Variants in NDUFS4 observed in about 807,000 individuals in gnomAD.
NDUFS4 encodes NADH:ubiquinone oxidoreductase subunit S4.
NDUFS4 carries 28 observed loss-of-function variants against 24.3 expected under a neutral mutation model. The ratio of observed to expected loss-of-function variants is 1.15; its 90% CI spans 0.85 to 1.58. NDUFS4 has a LOEUF of 1.58. Ranked by LOEUF, NDUFS4 falls within the 40% of genes most tolerant of loss-of-function variation. NDUFS4 has a pLI of 0.00. For missense variants in NDUFS4, 223 were observed against 207.9 expected (o/e 1.07, Z -0.45); for synonymous variants, 93 against 69.7 (o/e 1.34, Z -1.67).
At chr5:53,646,486 C>CT in intron 3 of NDUFS4, 81 bp downstream of exon 3, 1 of 1,431,166 alleles carries the variant, frequency 7.0e-7, no homozygotes, top group South Asian at 1.2e-5. Context: ...TTTTCAAACT[C>CT]TTTTATGTAC....
At chr5:53,612,523 A>G (rs1750728526) in intron 2 of NDUFS4, among the ~76,000 whole-genome samples, 1 of 152,112 alleles carries the variant, frequency 6.6e-6, no homozygotes, top group South Asian at 2.1e-4. Context: ...AATAGTTTTG[A>G]CATTTTTAGC....
chr5:53,649,750 T>C (rs888561271), intron 3 of NDUFS4, among the ~76,000 whole-genome samples: 4 of 152,202 alleles, frequency 2.6e-5, no homozygotes, highest in African/African-American at 7.2e-5. Flanking sequence ...TTGAGAAATC[T>C]CCATACTGTA....
At chr5:53,621,778 T>C (rs1751044325) in intron 2 of NDUFS4, among the ~76,000 whole-genome samples, 1 of 139,154 alleles carries the variant, frequency 7.2e-6, no homozygotes, top group African/African-American at 2.7e-5. Context: ...CTCAACTCAC[T>C]GCAAGCTCCG....
At chr5:53,676,142 T>A (rs1419328067) in intron 4 of NDUFS4, among the ~76,000 whole-genome samples, 2 of 152,244 alleles carry the variant, frequency 1.3e-5, no homozygotes, top group South Asian at 2.1e-4. Context: ...CAGCACAGAT[T>A]TATGTAGGGT....
intron 1 of NDUFS4, among the ~76,000 whole-genome samples, chr5:53,601,572 A>G (rs1750327402): frequency 6.6e-6 from 1 of 152,208 alleles, no homozygotes; most frequent in Admixed American, 6.5e-5. Context: ...GTTTTCATCT[A>G]ACAGGTCTCT....
At chr5:53,668,388 A>T (rs1023914481) in intron 4 of NDUFS4, among the ~76,000 whole-genome samples, 4 of 152,106 alleles carry the variant, frequency 2.6e-5, no homozygotes, top group African/African-American at 9.7e-5. Flanking sequence ...GACACTAAAG[A>T]TTGTAGAAAA....
chr5:53,657,924 C>CAAAAAA (rs55653691), intron 3 of NDUFS4, among the ~76,000 whole-genome samples: 2 of 123,166 alleles, frequency 1.6e-5, no homozygotes, highest in Non-Finnish European at 1.7e-5. Flanking sequence ...GAGTCCATCT[C>CAAAAAA]AAAAAAAAAA....
intron 2 of NDUFS4, among the ~76,000 whole-genome samples, chr5:53,622,461 G>A (rs1471143649): frequency 6.6e-6 from 1 of 152,096 alleles, no homozygotes; most frequent in Non-Finnish European, 1.5e-5. Flanking sequence ...CAGAGAGAGA[G>A]AAAAAGCAGG....
intron 4 of NDUFS4, among the ~76,000 whole-genome samples, chr5:53,679,714 C>CTAGA (rs1223087947): frequency 5.9e-5 from 9 of 152,160 alleles, no homozygotes; most frequent in African/African-American, 2.2e-4. Context: ...TTACTATTTC[C>CTAGA]TAGATATTTG....
At chr5:53,619,479 T>G (rs1300722671) in intron 2 of NDUFS4, among the ~76,000 whole-genome samples, 2 of 107,862 alleles carry the variant, frequency 1.9e-5, no homozygotes, top group African/African-American at 8.5e-5. Flanking sequence ...ACAGCAAGAC[T>G]CTGTCTCAAA....
intron 1 of NDUFS4, among the ~76,000 whole-genome samples, chr5:53,572,063 G>A (rs759491635): frequency 9.2e-5 from 14 of 152,260 alleles, no homozygotes; most frequent in African/African-American, 2.4e-4. Flanking sequence ...CTTTCATAAG[G>A]AGATAAATAT....
intron 4 of NDUFS4, among the ~76,000 whole-genome samples, chr5:53,664,357 C>A (rs1752444248): frequency 1.3e-5 from 2 of 152,052 alleles, no homozygotes; most frequent in African/African-American, 4.8e-5. Flanking sequence ...CTCTGTATTT[C>A]CTGCATTTGA....
At chr5:53,614,983 A>G (rs1440466604) in intron 2 of NDUFS4, among the ~76,000 whole-genome samples, 1 of 151,636 alleles carries the variant, frequency 6.6e-6, no homozygotes, top group Non-Finnish European at 1.5e-5. Flanking sequence ...CATAAACTGT[A>G]TGTTATCTCC....
At chr5:53,675,948 T>C (rs1740453872) in intron 4 of NDUFS4, among the ~76,000 whole-genome samples, 1 of 152,196 alleles carries the variant, frequency 6.6e-6, no homozygotes, top group African/African-American at 2.4e-5. Flanking sequence ...GAAGTTTGCC[T>C]GCCTTTGGTT....
intron 1 of NDUFS4, among the ~76,000 whole-genome samples, chr5:53,601,334 T>C (rs1228251113): frequency 6.6e-6 from 1 of 152,178 alleles, no homozygotes; most frequent in Non-Finnish European, 1.5e-5. Context: ...TATATAACTT[T>C]ATTATTACAA....
At chr5:53,619,359 G>A (rs1218324411) in intron 2 of NDUFS4, among the ~76,000 whole-genome samples, 28 of 146,498 alleles carry the variant, frequency 1.9e-4, no homozygotes, top group Non-Finnish European at 3.0e-4. Context: ...TTGTGGTGGC[G>A]GGTGCTTGTA....
intron 3 of NDUFS4, among the ~76,000 whole-genome samples, chr5:53,657,675 A>G (rs570029863): frequency 3.3e-5 from 5 of 152,262 alleles, no homozygotes; most frequent in African/African-American, 1.2e-4. Flanking sequence ...CTGTAATACC[A>G]GCACTTTGGG....
At chr5:53,597,852 T>TA (rs1265906809) in intron 1 of NDUFS4, among the ~76,000 whole-genome samples, 1 of 152,104 alleles carries the variant, frequency 6.6e-6, no homozygotes, top group Admixed American at 6.6e-5. Flanking sequence ...GCAAAACACG[T>TA]ATCTCATAAA....
chr5:53,563,017 C>T (rs755259213), intron 1 of NDUFS4, among the ~76,000 whole-genome samples: 2 of 152,080 alleles, frequency 1.3e-5, no homozygotes, highest in East Asian at 1.9e-4. Flanking sequence ...ATCACAAGGT[C>T]AGGAGATCGA....
Sources: allele counts gnomAD v4.1 joint callset (sites outside exome capture counted in the v4.1 genomes callset), GRCh38; gene constraint gnomAD v4.1.1; transcripts MANE v1.5; gene names NCBI Gene and HGNC (gene_info 2026-07-23, HGNC 2026-07-21).